The following CMC1 variants were observed in gnomAD, a reference collection of about 807,000 sequenced individuals.
CMC1 encodes the protein C-X9-C motif containing 1, also known as COX assembly mitochondrial protein homolog.
CMC1 carries 14 observed loss-of-function variants against 14.1 expected under a neutral mutation model. The ratio of observed to expected loss-of-function variants is 0.99; its 90% CI spans 0.66 to 1.55. The LOEUF is 1.55. Among genes scored for constraint, CMC1 ranks in the 40% most tolerant of loss-of-function variants. CMC1 has a pLI of 0.00. For missense variants in CMC1, 127 were observed against 123.8 expected (o/e 1.03, Z -0.12); for synonymous variants, 50 against 38.4 (o/e 1.30, Z -1.12).
intron 2 of CMC1, among the ~76,000 whole-genome samples, chr3:28,295,934 TTGTTCAAGGGTCAAC>T (rs1222428440): frequency 1.6e-4 from 24 of 152,222 alleles, no homozygotes; most frequent in Admixed American, 1.5e-3. Flanking sequence ...CAAACCCATG[TTGTTCAAGGGTCAAC>T]TGTATCATCT....
chr3:28,241,804 AC>A lies in CMC1; in HGVS notation c.15del (p.Ala6GlnfsTer13). 2 of 1,239,462 alleles carry A rather than the reference AC, an allele frequency of 1.6e-6. No homozygotes were observed. The highest frequency in any genetic ancestry group is 1.0e-6 in the Non-Finnish European group (1 of 988,040). 76.8% of individuals were successfully genotyped at this position (1,239,462 alleles called of 1,614,324 possible). On this transcript the variant is annotated frameshift_variant, in exon 1 of 4. Coordinates refer to ENST00000466830, the MANE Select transcript of CMC1 (RefSeq NM_182523.2). LOFTEE classifies it high-confidence loss of function. MAL[D>X]PADQHLRHVE... ...TCTCGGCCCGCCGAGATGGCGCTCGACCCCGCAGGTACCGGGGCGGGAAGCG... is the reference window on the plus strand; with the variant it reads ...TCTCGGCCCGCCGAGATGGCGCTCGACCCGCAGGTACCGGGGCGGGAAGCG...
rs1168890405 is a variant in CMC1 at position 28,322,685 on chromosome 3, C to T, written c.*3056C>T. 6.6e-6 allele frequency: 1 copy of T among 151,464 alleles called. No individual in the cohort carries two copies. The highest frequency in any genetic ancestry group is 1.5e-5 in the Non-Finnish European group (1 of 67,394). The allele number at this position is 151,464 out of a possible 1,614,324, so 9.4% of individuals were successfully genotyped here. A position where few individuals can be genotyped will look rare whatever the true frequency, so the allele number is the denominator to read the frequency against. On this transcript the variant is annotated 3_prime_UTR_variant, in exon 4 of 4. Coordinates refer to ENST00000466830, the MANE Select transcript of CMC1 (RefSeq NM_182523.2). ...TGTACTCCCCTGAGTCAGCTGTGTT[C>T]ATTGGTCAGAATAAATTCCAGCATC...
rs369504676 is a variant in CMC1, at chr3:28,319,639, C to G, written c.*10C>G. 8 of 1,589,400 alleles carry G rather than the reference C, an allele frequency of 5.0e-6. No homozygotes were observed. The African/African-American group carries it at 1.1e-4, about 22-fold the overall frequency. Reference sequence around the variant, plus strand: ...TCCAACAAGCATGTAGGCAGATACTCAAATGACATTCAGGAACTCTAATAT... The same window carrying G: ...TCCAACAAGCATGTAGGCAGATACTGAAATGACATTCAGGAACTCTAATAT... On this transcript the variant is annotated 3_prime_UTR_variant, in exon 4 of 4. Coordinates refer to ENST00000466830, the MANE Select transcript of CMC1 (RefSeq NM_182523.2).
intron 2 of CMC1, among the ~76,000 whole-genome samples, chr3:28,311,070 C>G (rs1446458254): frequency 6.6e-6 from 1 of 152,110 alleles, no homozygotes. Flanking sequence ...ATTTGGGGGA[C>G]CCCTGTTGTA....
At position 28,288,258 on chromosome 3, in the gene CMC1, C is replaced by T. The variant is rs969962172; in HGVS notation, c.109+24878C>T. On this transcript the variant is annotated intron_variant, in intron 2 of 3. Transcript: ENST00000466830. ...GAAATAACTAAATTAAAAATGATCACATGTGAAGTGAGTTTACCTTTATCA... is the reference window on the plus strand; with the variant it reads ...GAAATAACTAAATTAAAAATGATCATATGTGAAGTGAGTTTACCTTTATCA... 1.3e-5 allele frequency among the ~76,000 whole-genome samples: 2 copies of T among 151,966 alleles called. 1 individual carries two copies. The highest frequency in any genetic ancestry group is 2.9e-5 in the Non-Finnish European group (2 of 67,930).
In CMC1 at chr3:28,262,491, G is replaced by GT. The variant is rs1699783120; in HGVS notation, c.20-797dup. 2.0e-5 allele frequency among the ~76,000 whole-genome samples: 3 copies of GT among 152,016 alleles called. No homozygotes were observed. In the South Asian group the frequency reaches 6.2e-4, roughly 32 times the overall value. On this transcript the variant is annotated intron_variant, in intron 1 of 3. Transcript: ENST00000466830. ...TACTGAGTCACTTTAATTAATAACT[G>GT]TTTAGTTTCCTCCAGGGAAGTTTTC...
At chr3:28,248,829 G>T (rs1264836172) in intron 1 of CMC1, among the ~76,000 whole-genome samples, 1 of 151,822 alleles carries the variant, frequency 6.6e-6, no homozygotes, top group African/African-American at 2.4e-5. Context: ...TCGCTCTGTT[G>T]CCCAGGCTGG....
At chr3:28,253,664 A>G (rs1288501099) in intron 1 of CMC1, 2 of 873,634 alleles carry the variant, frequency 2.3e-6, no homozygotes, top group Admixed American at 2.7e-5. Context: ...ATCCAAATAT[A>G]GAAACTATTG....
At chr3:28,253,125 A>G (rs1192654783) in intron 1 of CMC1, among the ~76,000 whole-genome samples, 2 of 152,220 alleles carry the variant, frequency 1.3e-5, no homozygotes, top group Middle Eastern at 3.2e-3. Flanking sequence ...GGTCATGAGC[A>G]TACATATCTT....
chr3:28,301,340 C>G (rs1219509312), intron 2 of CMC1, among the ~76,000 whole-genome samples: 5 of 152,094 alleles, frequency 3.3e-5, no homozygotes, highest in African/African-American at 1.2e-4. Flanking sequence ...CCACCTCAGC[C>G]TCCCAAGTAA....
intron 2 of CMC1, among the ~76,000 whole-genome samples, chr3:28,286,073 T>C (rs975931668): frequency 6.6e-6 from 1 of 152,178 alleles, no homozygotes; most frequent in Non-Finnish European, 1.5e-5. Context: ...CAGCATTTTC[T>C]TTTATGCTAC....
intron 2 of CMC1, among the ~76,000 whole-genome samples, chr3:28,298,945 T>C (rs1701886034): frequency 1.3e-5 from 2 of 152,104 alleles, no homozygotes; most frequent in Non-Finnish European, 2.9e-5. Flanking sequence ...GCTGTTTCTT[T>C]ACCTACCTTA....
rs1435575161 is a variant in CMC1 at position 28,283,779 on chromosome 3, T to C, written c.109+20399T>C. 2.0e-5 allele frequency among the ~76,000 whole-genome samples: 3 copies of C among 152,164 alleles called. No homozygotes were observed. The East Asian group carries it at 5.8e-4, about 29-fold the overall frequency. On this transcript the variant is annotated intron_variant, in intron 2 of 3. Transcript: ENST00000466830. Reference sequence around the variant, plus strand: ...CAGTTGTATTCCATCTCAATACAGATTACTGCAGTTACAGTGTCTGCTTAT... The same window carrying C: ...CAGTTGTATTCCATCTCAATACAGACTACTGCAGTTACAGTGTCTGCTTAT...
intron 2 of CMC1, among the ~76,000 whole-genome samples, chr3:28,271,395 G>T (rs1448022940): frequency 2.6e-5 from 4 of 152,084 alleles, no homozygotes; most frequent in Non-Finnish European, 5.9e-5. Flanking sequence ...GTAAGGAAGG[G>T]GTCCAGTTTC....
chr3:28,250,965 G>A (rs1419087631), intron 1 of CMC1, among the ~76,000 whole-genome samples: 1 of 152,116 alleles, frequency 6.6e-6, no homozygotes, highest in Admixed American at 6.6e-5. Flanking sequence ...GCAAATCTTT[G>A]TTCTGAAAGT....
intron 2 of CMC1, among the ~76,000 whole-genome samples, chr3:28,301,674 A>T (rs1702056700): frequency 6.6e-6 from 1 of 151,876 alleles, no homozygotes; most frequent in South Asian, 2.1e-4. Flanking sequence ...TTTTTAAGCC[A>T]GTTGTTAAAT....
At chr3:28,301,408 G>T (rs1030146673) in intron 2 of CMC1, among the ~76,000 whole-genome samples, 2 of 151,944 alleles carry the variant, frequency 1.3e-5, no homozygotes, top group African/African-American at 4.8e-5. Flanking sequence ...ATTTGTAGGG[G>T]CGGGGCCTCA....
chr3:28,262,946 A>G (rs1010068423), intron 1 of CMC1, among the ~76,000 whole-genome samples: 1 of 152,122 alleles, frequency 6.6e-6, no homozygotes, highest in African/African-American at 2.4e-5. Flanking sequence ...GGATCTCAGT[A>G]TCGGTGAAAA....
intron 2 of CMC1, among the ~76,000 whole-genome samples, chr3:28,305,845 C>T (rs145843694): frequency 7.4e-5 from 6 of 81,306 alleles, no homozygotes; most frequent in African/African-American, 2.8e-4. Flanking sequence ...TTTCAGCGAT[C>T]TTGAGTTAAT....
Sources: allele counts gnomAD v4.1 joint callset (sites outside exome capture counted in the v4.1 genomes callset), GRCh38; gene constraint gnomAD v4.1.1; transcripts MANE v1.5; gene names NCBI Gene and HGNC (gene_info 2026-07-23, HGNC 2026-07-21).